The following FRAS1 variants were observed in gnomAD, a reference collection of about 807,000 sequenced individuals.
The protein encoded by FRAS1 is extracellular matrix organizing protein FRAS1.
A neutral mutation model predicts 435.2 loss-of-function variants in FRAS1; 290 were observed. The observed-to-expected ratio is 0.67, with a 90% CI of 0.61 to 0.73. The LOEUF (loss-of-function observed/expected upper bound fraction) is 0.73, where lower values mean the gene tolerates loss of function less well. Ranked by LOEUF, FRAS1 falls within the 30% of genes least tolerant of loss-of-function variation. The probability of loss-of-function intolerance (pLI) is 0.00; values close to 1 mark genes in which losing one functional copy is unlikely to be tolerated. For missense variants in FRAS1, 4,860 were observed against 5,001.5 expected (o/e 0.97, Z 0.85); for synonymous variants, 1,800 against 1,851.0 (o/e 0.97, Z 0.71).
Position 78,320,921 on chromosome 4 carries a change from G to A in FRAS1, c.2137+1935G>A, listed in dbSNP as rs1245768814. ...AGCCCACAAGAAATTCCTCACTGTA[G>A]CCTGATGATTCTGGTTTTCCCATTG... On this transcript the variant is annotated intron_variant, in intron 18 of 73. Transcript: ENST00000512123. Among the ~76,000 whole-genome samples, 100 of 152,158 alleles carry A rather than the reference G, an allele frequency of 6.6e-4. 1 individual carries two copies. Among genetic ancestry groups the A allele is most frequent in the Admixed American group, 6.5e-3 (100 of 15,274 alleles).
At chr4:78,474,749 C>T (rs566891476) in intron 53 of FRAS1, among the ~76,000 whole-genome samples, 10 of 152,296 alleles carry the variant, frequency 6.6e-5, no homozygotes, top group East Asian at 3.9e-4. Context: ...GGGCCATCCT[C>T]AGTGGTGAAA....
chr4:78,329,868 G>T (rs1423358349), intron 18 of FRAS1, among the ~76,000 whole-genome samples: 7 of 152,184 alleles, frequency 4.6e-5, no homozygotes, highest in Non-Finnish European at 1.0e-4. Context: ...AAATCTTTAT[G>T]GATTAAACCC....
intron 38 of FRAS1, among the ~76,000 whole-genome samples, chr4:78,434,538 A>T (rs1192487535): frequency 6.6e-6 from 1 of 152,174 alleles, no homozygotes; most frequent in East Asian, 1.9e-4. Context: ...TTGAAATATG[A>T]TTCTGTGTAT....
chr4:78,303,759 A>G (rs1359816620), intron 14 of FRAS1, among the ~76,000 whole-genome samples: 1 of 152,042 alleles, frequency 6.6e-6, no homozygotes, highest in Admixed American at 6.6e-5. Context: ...TTTTGGGCTG[A>G]GACAGTGGGG....
chr4:78,210,318 C>T, intron 2 of FRAS1, among the ~76,000 whole-genome samples: 1 of 152,204 alleles, frequency 6.6e-6, no homozygotes, highest in East Asian at 1.9e-4. Flanking sequence ...GCCACTCATA[C>T]CTTGGTGATA....
intron 2 of FRAS1, among the ~76,000 whole-genome samples, chr4:78,167,781 C>A (rs1721393470): frequency 6.6e-6 from 1 of 151,942 alleles, no homozygotes; most frequent in Non-Finnish European, 1.5e-5. Context: ...AACCACCATG[C>A]TATACTTAGA....
chr4:78,343,774 C>A (rs1183127523), intron 20 of FRAS1, among the ~76,000 whole-genome samples: 1 of 152,146 alleles, frequency 6.6e-6, no homozygotes, highest in African/African-American at 2.4e-5. Flanking sequence ...TAATTAAGAA[C>A]CCTGGAGGGA....
At chr4:78,250,748 TTG>T (rs1390619145) in intron 4 of FRAS1, among the ~76,000 whole-genome samples, 3 of 152,170 alleles carry the variant, frequency 2.0e-5, no homozygotes, top group African/African-American at 4.8e-5. Context: ...AGGGAAGGCT[TTG>T]TGTGTGAGAG....
intron 2 of FRAS1, among the ~76,000 whole-genome samples, chr4:78,145,384 G>A (rs1400332027): frequency 2.0e-5 from 3 of 152,072 alleles, no homozygotes; most frequent in Non-Finnish European, 2.9e-5. Flanking sequence ...AGCCAAGAGC[G>A]GTGGAAGCAT....
At chr4:78,528,761 T>C (rs527415661) in intron 70 of FRAS1, among the ~76,000 whole-genome samples, 4 of 152,336 alleles carry the variant, frequency 2.6e-5, no homozygotes, top group African/African-American at 9.6e-5. Flanking sequence ...TCTGTTTTCT[T>C]ATGTAAATAC....
intron 47 of FRAS1, among the ~76,000 whole-genome samples, chr4:78,463,058 T>C (rs1719418134): frequency 6.6e-6 from 1 of 152,184 alleles, no homozygotes; most frequent in Non-Finnish European, 1.5e-5. Context: ...AATGGATTAA[T>C]ACCTCAAAAC....
At chr4:78,090,650 G>A (rs369360333) in intron 2 of FRAS1, among the ~76,000 whole-genome samples, 4 of 152,186 alleles carry the variant, frequency 2.6e-5, no homozygotes, top group African/African-American at 4.8e-5. Context: ...ATACATCCAC[G>A]CTATTCCTAA....
chr4:78,156,951 G>A (rs573872656), intron 2 of FRAS1, among the ~76,000 whole-genome samples: 7 of 152,232 alleles, frequency 4.6e-5, no homozygotes, highest in East Asian at 1.9e-4. Context: ...ACACTCCTGC[G>A]CCCAGCTTCT....
intron 34 of FRAS1, among the ~76,000 whole-genome samples, chr4:78,423,946 T>C (rs551544775): frequency 2.1e-3 from 325 of 152,314 alleles, no homozygotes; most frequent in African/African-American, 7.8e-3. Flanking sequence ...TGCTGTATTA[T>C]CTATGGGATA....
At position 78,448,248 on chromosome 4, in the gene FRAS1, T is replaced by G. The variant is rs1718916435; in HGVS notation, c.6206T>G (p.Ile2069Ser). Residue 2069 changes from isoleucine to serine, a missense_variant, in exon 44 of 74, where the codon ATC becomes AGC. Physicochemically the swap from Ile to Ser is moderately radical, Grantham distance 142 (BLOSUM62 -2). Coordinates refer to ENST00000512123, the MANE Select transcript of FRAS1 (RefSeq NM_025074.7). ...CACGTGGACACAGGGAGGATGAAGATCTACACAGAACTGCCTGCAAGTGAC... is the reference window on the plus strand; with the variant it reads ...CACGTGGACACAGGGAGGATGAAGAGCTACACAGAACTGCCTGCAAGTGAC... The part of the protein sequence containing the change: ...GLHVDTGRMK[I>S]YTELPASDTP... 2 of 1,613,032 alleles carry G rather than the reference T, an allele frequency of 1.2e-6. No homozygotes were observed. Among genetic ancestry groups the G allele is most frequent in the Non-Finnish European group, 1.7e-6 (2 of 1,179,768 alleles).
intron 2 of FRAS1, among the ~76,000 whole-genome samples, chr4:78,097,525 C>G (rs1356798669): frequency 6.6e-6 from 1 of 152,208 alleles, no homozygotes; most frequent in African/African-American, 2.4e-5. Flanking sequence ...TGTGGCTTGC[C>G]TTCCATCTCA....
chr4:78,132,751 C>T (rs773289293), intron 2 of FRAS1, among the ~76,000 whole-genome samples: 4 of 152,150 alleles, frequency 2.6e-5, no homozygotes, highest in Non-Finnish European at 5.9e-5. Flanking sequence ...GTGTTTTTCA[C>T]ATGACCCTGA....
chr4:78,431,220 G>A (rs1371420608), intron 37 of FRAS1, among the ~76,000 whole-genome samples: 1 of 152,172 alleles, frequency 6.6e-6, no homozygotes, highest in African/African-American at 2.4e-5. Context: ...AGAACAACCA[G>A]TAAGCATTTG....
chr4:78,277,116 G>C (rs539399825), intron 9 of FRAS1, among the ~76,000 whole-genome samples: 49 of 152,358 alleles, frequency 3.2e-4, no homozygotes, highest in African/African-American at 1.1e-3. Flanking sequence ...CTCCGAGCCA[G>C]GCGTGGGATA....
Sources: allele counts gnomAD v4.1 joint callset (sites outside exome capture counted in the v4.1 genomes callset), GRCh38; gene constraint gnomAD v4.1.1; transcripts MANE v1.5; gene names NCBI Gene and HGNC (gene_info 2026-07-23, HGNC 2026-07-21).